EFCAB11: variants seen among roughly 807,000 people sequenced by gnomAD.
The protein encoded by EFCAB11 is EF-hand calcium-binding domain-containing protein 11.
In EFCAB11, 14 loss-of-function variants were observed where a neutral mutation model predicts 23.0. The observed-to-expected ratio is 0.61, with a 90% CI of 0.40 to 0.95. EFCAB11 has a LOEUF of 0.95. Ranked by LOEUF, EFCAB11 falls within the 40% of genes least tolerant of loss-of-function variation. EFCAB11 has a pLI of 0.00. For missense variants in EFCAB11, 198 were observed against 195.8 expected, an observed-to-expected ratio of 1.01 and a Z score of -0.07; for synonymous variants, 65 against 66.6, an observed-to-expected ratio of 0.98 and a Z score of 0.11.
At chr14:89,805,079 T>C (rs922969489) in intron 5 of EFCAB11, among the ~76,000 whole-genome samples, 4 of 152,214 alleles carry the variant, frequency 2.6e-5, no homozygotes, top group African/African-American at 7.2e-5. Flanking sequence ...GGTAAGAGAA[T>C]GTCCAGATCA....
intron 2 of EFCAB11, among the ~76,000 whole-genome samples, chr14:89,952,986 G>A (rs1390605508): frequency 5.9e-5 from 9 of 152,186 alleles, no homozygotes; most frequent in African/African-American, 1.4e-4. Flanking sequence ...ATAAAGACAG[G>A]GGTGAGCAGG....
chr14:89,940,724 G>A (rs1890761574), intron 3 of EFCAB11, among the ~76,000 whole-genome samples: 1 of 152,010 alleles, frequency 6.6e-6, no homozygotes, highest in Non-Finnish European at 1.5e-5. Flanking sequence ...CAATCTAATC[G>A]CCTAGTGAAA....
chr14:89,818,948 A>T (rs1314364564), intron 5 of EFCAB11, among the ~76,000 whole-genome samples: 1 of 152,238 alleles, frequency 6.6e-6, no homozygotes, highest in African/African-American at 2.4e-5. Flanking sequence ...GCCACTTCGG[A>T]AAAATTAGGC....
intron 5 of EFCAB11, among the ~76,000 whole-genome samples, chr14:89,871,645 T>G (rs10144047): frequency 6.6e-6 from 1 of 152,226 alleles, no homozygotes; most frequent in Non-Finnish European, 1.5e-5. Flanking sequence ...AGTTTTCCCA[T>G]GTTACTAATG....
chr14:89,797,800 G>A (rs893027868), intron 5 of EFCAB11, among the ~76,000 whole-genome samples: 2 of 152,140 alleles, frequency 1.3e-5, no homozygotes, highest in Non-Finnish European at 2.9e-5. Context: ...AGGCATGGTG[G>A]TGGGCCCCTG....
intron 5 of EFCAB11, among the ~76,000 whole-genome samples, chr14:89,908,490 C>T: frequency 6.6e-6 from 1 of 152,150 alleles, no homozygotes; most frequent in South Asian, 2.1e-4. Flanking sequence ...ATGCACAAAA[C>T]TATGAAAAAT....
At chr14:89,811,141 T>G (rs1446234251) in intron 5 of EFCAB11, among the ~76,000 whole-genome samples, 1 of 151,702 alleles carries the variant, frequency 6.6e-6, no homozygotes, top group Admixed American at 6.6e-5. Flanking sequence ...GGGAACAGCA[T>G]GTGCAAGGTC....
intron 5 of EFCAB11, among the ~76,000 whole-genome samples, chr14:89,850,015 A>G (rs1887554479): frequency 6.6e-6 from 1 of 152,054 alleles, no homozygotes; most frequent in Admixed American, 6.6e-5. Flanking sequence ...CAAGCCCCCT[A>G]ATTACCATCA....
intron 5 of EFCAB11, among the ~76,000 whole-genome samples, chr14:89,863,182 T>C (rs1345793422): frequency 6.6e-6 from 1 of 152,016 alleles, no homozygotes; most frequent in African/African-American, 2.4e-5. Context: ...AAATTTTAGG[T>C]TTAATCCTAA....
intron 3 of EFCAB11, among the ~76,000 whole-genome samples, chr14:89,947,337 C>T (rs187248933): frequency 1.8e-3 from 274 of 152,280 alleles, no homozygotes; most frequent in Admixed American, 4.3e-3. Flanking sequence ...CATCTTCCTT[C>T]CTCCTCTTCA....
intron 5 of EFCAB11, among the ~76,000 whole-genome samples, chr14:89,868,627 A>G (rs990554764): frequency 6.6e-6 from 1 of 152,248 alleles, no homozygotes; most frequent in Non-Finnish European, 1.5e-5. Flanking sequence ...GGAGGAGGCC[A>G]GTTCTGGCTA....
chr14:89,949,917 G>A (rs1354488234), intron 3 of EFCAB11, among the ~76,000 whole-genome samples, 180 bp downstream of exon 3: 1 of 152,018 alleles, frequency 6.6e-6, no homozygotes, highest in Non-Finnish European at 1.5e-5. Flanking sequence ...CAGATCTCAT[G>A]AGACTTATCC....
At chr14:89,824,867 A>G (rs1037464256) in intron 5 of EFCAB11, among the ~76,000 whole-genome samples, 2 of 152,098 alleles carry the variant, frequency 1.3e-5, no homozygotes, top group Admixed American at 1.3e-4. Context: ...GAAGCAAAAC[A>G]TCGAGAGAAC....
At chr14:89,806,644 T>C (rs1036663417) in intron 5 of EFCAB11, among the ~76,000 whole-genome samples, 1 of 152,184 alleles carries the variant, frequency 6.6e-6, no homozygotes, top group Non-Finnish European at 1.5e-5. Flanking sequence ...ACTCTGAATA[T>C]GGCAGGGAGA....
At chr14:89,816,577 T>G (rs1045896971) in intron 5 of EFCAB11, among the ~76,000 whole-genome samples, 3 of 152,206 alleles carry the variant, frequency 2.0e-5, no homozygotes, top group Non-Finnish European at 4.4e-5. Flanking sequence ...TCCTAATCTT[T>G]AACTTCTGAA....
At chr14:89,833,287 CTG>C (rs972443700) in intron 5 of EFCAB11, 4 of 152,092 alleles carry the variant, frequency 2.6e-5, no homozygotes, top group African/African-American at 9.7e-5. Context: ...AATCTCGTGA[CTG>C]TGCAAAAAGT....
intron 5 of EFCAB11, among the ~76,000 whole-genome samples, chr14:89,847,741 C>CAAAAAAAA: frequency 1.1e-5 from 1 of 92,006 alleles, no homozygotes; most frequent in Non-Finnish European, 2.2e-5. Flanking sequence ...CTCTGTCTCA[C>CAAAAAAAA]AAAAAAAAAA....
intron 5 of EFCAB11, among the ~76,000 whole-genome samples, chr14:89,887,854 C>T (rs1459420836): frequency 6.6e-6 from 1 of 152,126 alleles, no homozygotes; most frequent in Non-Finnish European, 1.5e-5. Flanking sequence ...TGTTAACACT[C>T]GCATTTTTCT....
intron 5 of EFCAB11, among the ~76,000 whole-genome samples, chr14:89,875,912 T>C (rs1486544268): frequency 6.6e-6 from 1 of 152,002 alleles, no homozygotes; most frequent in Non-Finnish European, 1.5e-5. Context: ...AGTGGAAGCA[T>C]TGGCTGTTAA....
Sources: gnomAD v4.1 joint callset for allele counts (sites outside exome capture counted in the v4.1 genomes callset) on GRCh38, gnomAD v4.1.1 for gene constraint, MANE v1.5 for transcripts, NCBI Gene and HGNC (gene_info 2026-07-23, HGNC 2026-07-21) for gene names.